Variants in PPP2R2C observed in about 807,000 individuals in gnomAD.
The protein encoded by PPP2R2C is protein phosphatase 2 regulatory subunit Bgamma.
PPP2R2C carries 10 observed loss-of-function variants against 45.3 expected under a neutral mutation model. The ratio of observed to expected loss-of-function variants is 0.22; its 90% CI spans 0.14 to 0.37. The LOEUF (loss-of-function observed/expected upper bound fraction) is 0.37. PPP2R2C is among the 10% of genes least tolerant of loss of function. PPP2R2C has a pLI of 1.00. For synonymous variants in PPP2R2C, 257 were observed against 245.4 expected, an observed-to-expected ratio of 1.05 and a Z score of -0.44; for missense variants, 308 against 619.7, an observed-to-expected ratio of 0.50 and a Z score of 5.34.
chr4:6,554,914 GGAAGGAAGGAAGGAAGGAAAGAAA>G (rs1391510406), intron 1 of PPP2R2C, among the ~76,000 whole-genome samples: 20 of 84,254 alleles, frequency 2.4e-4, no homozygotes, highest in African/African-American at 3.8e-4. Context: ...AAGGAAGGAA[GGAAGGAAGGAAGGAAGGAAAGAAA>G]GAAAGAAAGA....
At chr4:6,367,511 GAATCCA>G (rs1714438664) in intron 5 of PPP2R2C, among the ~76,000 whole-genome samples, 1 of 152,122 alleles carries the variant, frequency 6.6e-6, no homozygotes, top group East Asian at 1.9e-4. Context: ...CTGACAGCCA[GAATCCA>G]CCCCACTGAG....
chr4:6,379,383 A>C (rs967209333), intron 2 of PPP2R2C, among the ~76,000 whole-genome samples: 1 of 152,236 alleles, frequency 6.6e-6, no homozygotes, highest in African/African-American at 2.4e-5. Flanking sequence ...CATTCAACCC[A>C]GAACAATTTC....
At chr4:6,371,517 G>A (rs1714827835) in intron 5 of PPP2R2C, among the ~76,000 whole-genome samples, 1 of 152,196 alleles carries the variant, frequency 6.6e-6, no homozygotes, top group African/African-American at 2.4e-5. Context: ...GAGGCTCTCA[G>A]GAGGGTCTTC....
chr4:6,380,913 C>G, intron 2 of PPP2R2C, 84 bp downstream of exon 2: 1 of 1,446,666 alleles, frequency 6.9e-7, no homozygotes, highest in African/African-American at 1.4e-5. Flanking sequence ...TCCCCCTTAT[C>G]CTTATCCCCT....
intron 2 of PPP2R2C, among the ~76,000 whole-genome samples, chr4:6,490,029 T>G (rs534054853): frequency 6.6e-6 from 1 of 152,290 alleles, no homozygotes; most frequent in East Asian, 1.9e-4. Flanking sequence ...GAAAATGACC[T>G]CCGCCTGCAC....
intron 3 of PPP2R2C, among the ~76,000 whole-genome samples, chr4:6,376,543 T>C (rs762884497): frequency 1.1e-4 from 16 of 152,086 alleles, no homozygotes; most frequent in Non-Finnish European, 2.4e-4. Flanking sequence ...GCCTTGACTT[T>C]ACCGGTCTCA....
chr4:6,460,397 C>T (rs2108756608), intron 1 of PPP2R2C, among the ~76,000 whole-genome samples: 1 of 152,224 alleles, frequency 6.6e-6, no homozygotes, highest in South Asian at 2.1e-4. Flanking sequence ...ATCAACCCTG[C>T]CAACACCTTG....
At chr4:6,387,206 T>G (rs1253989504) in intron 1 of PPP2R2C, among the ~76,000 whole-genome samples, 6 of 151,858 alleles carry the variant, frequency 4.0e-5, no homozygotes, top group Non-Finnish European at 8.8e-5. Flanking sequence ...GACCGAAAAA[T>G]TCCTCAATTT....
chr4:6,496,947 G>A (rs894222858), intron 2 of PPP2R2C, among the ~76,000 whole-genome samples: 6 of 152,124 alleles, frequency 3.9e-5, no homozygotes, highest in South Asian at 2.1e-4. Context: ...ACGTATGGAC[G>A]GGGGTGGGAG....
At chr4:6,369,687 C>G (rs1714644714) in intron 5 of PPP2R2C, among the ~76,000 whole-genome samples, 1 of 152,188 alleles carries the variant, frequency 6.6e-6, no homozygotes. Context: ...CCCATGCCCT[C>G]AGGCAGCCTC....
At chr4:6,424,134 C>G (rs1719143647) in intron 1 of PPP2R2C, among the ~76,000 whole-genome samples, 1 of 152,162 alleles carries the variant, frequency 6.6e-6, no homozygotes, top group Non-Finnish European at 1.5e-5. Flanking sequence ...GAAGGGGCTG[C>G]CCAGGGAAGG....
chr4:6,561,891 C>T lies in PPP2R2C; in HGVS notation c.-59+1669G>A, dbSNP rs116475660. Among the ~76,000 whole-genome samples, 438 of 152,358 alleles carry T rather than the reference C, an allele frequency of 2.9e-3. 1 individual carries two copies. Among genetic ancestry groups the T allele is most frequent in the African/African-American group, 9.6e-3 (399 of 41,586 alleles). On this transcript the variant is annotated intron_variant, in intron 1 of 9. Transcript: ENST00000506140. ...TGAAAAGCAGAGAAAGGCCATGTGGCATTCACTCACTCACGCACTCACTAA... is the reference window on the plus strand; with the variant it reads ...TGAAAAGCAGAGAAAGGCCATGTGGTATTCACTCACTCACGCACTCACTAA...
chr4:6,335,177 G>T (rs1732748714), intron 6 of PPP2R2C, among the ~76,000 whole-genome samples: 1 of 152,230 alleles, frequency 6.6e-6, no homozygotes, highest in Non-Finnish European at 1.5e-5. Flanking sequence ...CACTGTTCCT[G>T]TGCAGCCAAC....
chr4:6,381,560 A>G, intron 1 of PPP2R2C: 2 of 1,415,468 alleles, frequency 1.4e-6, no homozygotes, highest in Non-Finnish European at 1.8e-6. Flanking sequence ...GGGCCCACTC[A>G]GGGCTTCCCA....
intron 2 of PPP2R2C, among the ~76,000 whole-genome samples, chr4:6,484,606 C>T (rs543651818): frequency 1.3e-5 from 2 of 151,612 alleles, no homozygotes; most frequent in South Asian, 4.2e-4. Flanking sequence ...TTGAGTCTTC[C>T]AATCCACTCC....
At chr4:6,549,415 A>G (rs895624685) in intron 1 of PPP2R2C, among the ~76,000 whole-genome samples, 1 of 152,180 alleles carries the variant, frequency 6.6e-6, no homozygotes, top group East Asian at 1.9e-4. Flanking sequence ...GGCCTCCCGG[A>G]GGAGGTGACT....
At chr4:6,514,203 A>G (rs2108808176) in intron 2 of PPP2R2C, among the ~76,000 whole-genome samples, 1 of 152,326 alleles carries the variant, frequency 6.6e-6, no homozygotes, top group East Asian at 1.9e-4. Flanking sequence ...TTGTGCAACC[A>G]ATCTTTTCAA....
At chr4:6,494,140 T>C (rs1402331313) in intron 2 of PPP2R2C, among the ~76,000 whole-genome samples, 1 of 152,232 alleles carries the variant, frequency 6.6e-6, no homozygotes, top group African/African-American at 2.4e-5. Flanking sequence ...CAGGCTCTGC[T>C]GACACGGCTG....
chr4:6,493,429 A>T (rs939142673), intron 2 of PPP2R2C, among the ~76,000 whole-genome samples: 1 of 151,716 alleles, frequency 6.6e-6, no homozygotes, highest in East Asian at 1.9e-4. Flanking sequence ...CAAGCAGGCC[A>T]CACAGGAGGT....
Sources: allele counts gnomAD v4.1 joint callset (sites outside exome capture counted in the v4.1 genomes callset), GRCh38; gene constraint gnomAD v4.1.1; transcripts MANE v1.5; gene names NCBI Gene and HGNC (gene_info 2026-07-23, HGNC 2026-07-21).